The following SPON1 variants were observed in gnomAD, a reference collection of about 807,000 sequenced individuals.
The protein encoded by SPON1 is spondin 1, also known as spondin-1.
A neutral mutation model predicts 111.7 loss-of-function variants in SPON1; 52 were observed. The ratio of observed to expected loss-of-function variants is 0.47; its 90% CI spans 0.37 to 0.59. SPON1 has a LOEUF of 0.59. Among genes scored for constraint, SPON1 ranks in the 20% least tolerant of loss-of-function variants. SPON1 has a pLI of 0.00. For synonymous variants in SPON1, 410 were observed against 395.8 expected, an observed-to-expected ratio of 1.04 and a Z score of -0.43; for missense variants, 957 against 1,068.5, an observed-to-expected ratio of 0.90 and a Z score of 1.46.
intron 6 of SPON1, among the ~76,000 whole-genome samples, chr11:14,146,189 G>T (rs1218090159): frequency 2.2e-5 from 3 of 137,350 alleles, no homozygotes; most frequent in African/African-American, 5.4e-5. Flanking sequence ...TCTGTCTGTT[G>T]CCCAGGCTGG....
chr11:13,978,643 T>C (rs1361598331), intron 1 of SPON1, among the ~76,000 whole-genome samples: 1 of 152,124 alleles, frequency 6.6e-6, no homozygotes, highest in Non-Finnish European at 1.5e-5. Context: ...TTAATTTCAG[T>C]AGGGTCCAAG....
At chr11:14,045,764 G>C (rs1352675306) in intron 3 of SPON1, among the ~76,000 whole-genome samples, 2 of 151,516 alleles carry the variant, frequency 1.3e-5, no homozygotes, top group Non-Finnish European at 2.9e-5. Flanking sequence ...AGGTAGTCCA[G>C]ATAATGACAC....
intron 15 of SPON1, among the ~76,000 whole-genome samples, chr11:14,265,042 G>T (rs575899637): frequency 1.3e-5 from 2 of 152,272 alleles, no homozygotes; most frequent in Non-Finnish European, 2.9e-5. Context: ...CCACTGGATG[G>T]TTCTTCTTGG....
In SPON1 at chr11:14,139,122, T is replaced by C. The variant is rs533672708; in HGVS notation, c.825+3554T>C. On this transcript the variant is annotated intron_variant, in intron 6 of 15. Transcript: ENST00000576479. ...CTTATCAAAGCCTGAATACCCTTTA[T>C]GTCCTGCCCTTGTCTTACCTCTCCA... Among the ~76,000 whole-genome samples the C allele has an allele frequency of 8.5e-5, 13 of 152,338 alleles. No individual in the cohort carries two copies. The South Asian group carries it at 1.0e-3, about 12-fold the overall frequency.
chr11:14,175,549 A>G (rs1848165697), intron 6 of SPON1, among the ~76,000 whole-genome samples: 1 of 152,170 alleles, frequency 6.6e-6, no homozygotes, highest in African/African-American at 2.4e-5. Context: ...ATTACAAAGT[A>G]CACCAGATTT....
chr11:14,146,082 G>T (rs572544553), intron 6 of SPON1, among the ~76,000 whole-genome samples: 6 of 151,184 alleles, frequency 4.0e-5, no homozygotes, highest in East Asian at 1.9e-4. Context: ...GAACTGAAAG[G>T]TTCATTCACA....
intron 6 of SPON1, among the ~76,000 whole-genome samples, chr11:14,177,840 GC>G (rs1848194382): frequency 6.6e-6 from 1 of 152,194 alleles, no homozygotes; most frequent in Admixed American, 6.5e-5. Context: ...AAGGTTAGAA[GC>G]AAGATGGAGT....
intron 15 of SPON1, among the ~76,000 whole-genome samples, chr11:14,263,654 T>C (rs1477546212): frequency 6.6e-6 from 1 of 152,144 alleles, no homozygotes; most frequent in Non-Finnish European, 1.5e-5. Context: ...TCATCTTACA[T>C]TGACTGGAGT....
intron 2 of SPON1, among the ~76,000 whole-genome samples, chr11:14,026,098 G>C (rs1251864425): frequency 6.6e-6 from 1 of 152,190 alleles, no homozygotes; most frequent in Admixed American, 6.5e-5. Context: ...CCTTCCCACA[G>C]CTTCCAGCTC....
At chr11:14,227,573 G>A (rs1392411318) in intron 6 of SPON1, among the ~76,000 whole-genome samples, 1 of 152,182 alleles carries the variant, frequency 6.6e-6, no homozygotes, top group Non-Finnish European at 1.5e-5. Context: ...CTTGGAAAGG[G>A]CTTACAGAGA....
At chr11:14,056,537 A>G (rs1270536601) in intron 3 of SPON1, among the ~76,000 whole-genome samples, 3 of 152,146 alleles carry the variant, frequency 2.0e-5, no homozygotes, top group Non-Finnish European at 4.4e-5. Context: ...GCATTAAGAA[A>G]AATATAAAAC....
At chr11:14,178,069 C>T (rs1434037119) in intron 6 of SPON1, among the ~76,000 whole-genome samples, 1 of 151,900 alleles carries the variant, frequency 6.6e-6, no homozygotes, top group Non-Finnish European at 1.5e-5. Flanking sequence ...CACACACACA[C>T]ACACACGCTT....
chr11:14,021,858 G>A (rs782379689), intron 2 of SPON1, among the ~76,000 whole-genome samples: 25 of 152,170 alleles, frequency 1.6e-4, no homozygotes, highest in Admixed American at 7.8e-4. Flanking sequence ...AATGGCTTGC[G>A]TCTCTAAAGT....
chr11:13,993,729 G>A (rs1848249690), intron 2 of SPON1, among the ~76,000 whole-genome samples: 1 of 152,162 alleles, frequency 6.6e-6, no homozygotes. Context: ...GATCTACAGG[G>A]CAGGATTTTA....
chr11:13,964,185 G>C (rs1185006915), intron 1 of SPON1, among the ~76,000 whole-genome samples: 1 of 152,234 alleles, frequency 6.6e-6, no homozygotes, highest in Non-Finnish European at 1.5e-5. Context: ...CTCTCCGGGT[G>C]GGGGACAGGT....
At position 14,094,119 on chromosome 11, in the gene SPON1, C is replaced by T. The variant is rs138478154; in HGVS notation, c.676+14098C>T. 5.5e-3 allele frequency among the ~76,000 whole-genome samples: 829 copies of T among 150,942 alleles called. 8 individuals are homozygous for T. Among genetic ancestry groups the T allele is most frequent in the African/African-American group, 0.019 (779 of 41,026 alleles). On this transcript the variant is annotated intron_variant, in intron 5 of 15. Coordinates refer to ENST00000576479, the MANE Select transcript of SPON1 (RefSeq NM_006108.4). ...TCCAACTACTCAGGAGGCTGAGGCA[C>T]GAGAATCGCTTGAACCTGGGAGGCA...
chr11:13,972,077 G>A (rs1848067383), intron 1 of SPON1, among the ~76,000 whole-genome samples: 1 of 152,210 alleles, frequency 6.6e-6, no homozygotes, highest in South Asian at 2.1e-4. Context: ...CTTCTCTTCT[G>A]ACTAAAATGC....
At chr11:13,985,545 C>A (rs1848175598) in intron 2 of SPON1, among the ~76,000 whole-genome samples, 1 of 152,146 alleles carries the variant, frequency 6.6e-6, no homozygotes. Context: ...TCTCTGGGTA[C>A]CTGCCTGTGA....
chr11:14,160,622 T>C (rs1270004676), intron 6 of SPON1, among the ~76,000 whole-genome samples: 2 of 30,420 alleles, frequency 6.6e-5, no homozygotes, highest in Non-Finnish European at 1.1e-4. Context: ...TATATTTATA[T>C]ATATATTTAT....
Sources: allele counts gnomAD v4.1 joint callset (sites outside exome capture counted in the v4.1 genomes callset), GRCh38; gene constraint gnomAD v4.1.1; transcripts MANE v1.5; gene names NCBI Gene and HGNC (gene_info 2026-07-23, HGNC 2026-07-21).